Variants in MAPK13 observed in about 807,000 individuals in gnomAD.
MAPK13 encodes the protein mitogen-activated protein kinase 13.
Under a neutral mutation model 53.5 loss-of-function variants are expected in MAPK13, and 39 were observed. The ratio of observed to expected loss-of-function variants is 0.73; its 90% CI spans 0.56 to 0.95. The LOEUF (loss-of-function observed/expected upper bound fraction) is 0.95. Among genes scored for constraint, MAPK13 ranks in the 40% least tolerant of loss-of-function variants. The pLI, the probability that MAPK13 is intolerant of heterozygous loss-of-function variation, is 0.00. For missense variants in MAPK13, 460 were observed against 471.8 expected (o/e 0.98, Z 0.23); for synonymous variants, 179 against 190.9 (o/e 0.94, Z 0.51).
At chr6:36,135,732 A>G in intron 3 of MAPK13, 21 bp from the exon 4 acceptor site, 1 of 1,584,820 alleles carries the variant, frequency 6.3e-7, no homozygotes, top group Non-Finnish European at 8.6e-7. Flanking sequence ...CACTGTTCCA[A>G]GAACCCCTCA....
chr6:36,138,487 T>C (rs200238257), intron 9 of MAPK13, 43 bp downstream of exon 9: 245 of 1,587,406 alleles, frequency 1.5e-4, no homozygotes, highest in Non-Finnish European at 1.7e-5. Flanking sequence ...GCTGTGTGCT[T>C]GCCTGACGTG....
intron 8 of MAPK13, among the ~76,000 whole-genome samples, chr6:36,137,410 G>A (rs1766438816): frequency 1.3e-5 from 2 of 152,180 alleles, no homozygotes; most frequent in African/African-American, 4.8e-5. Flanking sequence ...AGCTACTCAG[G>A]AGGCTGAGGC....
chr6:36,139,497 T>C lies in MAPK13; in HGVS notation c.*124T>C, dbSNP rs762392611. On this transcript the variant is annotated 3_prime_UTR_variant, in exon 12 of 12. Coordinates refer to ENST00000211287, the MANE Select transcript of MAPK13 (RefSeq NM_002754.5). Reference sequence around the variant, plus strand: ...GAGGACAGAAGGGTCCTTCTCCTTATGTGGGAAATGGGCCTAGTAGATGCA... The same window carrying C: ...GAGGACAGAAGGGTCCTTCTCCTTACGTGGGAAATGGGCCTAGTAGATGCA... 3.8e-5 allele frequency: 28 copies of C among 738,352 alleles called. No individual in the cohort carries two copies. Among genetic ancestry groups the C allele is most frequent in the Non-Finnish European group, 6.5e-5 (28 of 430,726 alleles). The allele number at this position is 738,352 out of a possible 1,614,324, so 45.7% of individuals were successfully genotyped here.
chr6:36,138,089 A>G (rs1444143758), intron 8 of MAPK13, among the ~76,000 whole-genome samples: 1 of 152,178 alleles, frequency 6.6e-6, no homozygotes, highest in African/African-American at 2.4e-5. Context: ...TTTGGTGAGA[A>G]GACGAGGAAA....
intron 4 of MAPK13, 49 bp from the exon 5 acceptor site, chr6:36,135,970 T>C (rs1400143470): frequency 6.2e-7 from 1 of 1,612,658 alleles, no homozygotes; most frequent in Admixed American, 1.7e-5. Flanking sequence ...CTGAAGTGCC[T>C]GGTGTGGAAG....
At chr6:36,136,101 A>G (rs1766411967) in intron 5 of MAPK13, 53 bp downstream of exon 5, 4 of 1,604,178 alleles carry the variant, frequency 2.5e-6, no homozygotes, top group Non-Finnish European at 3.4e-6. Context: ...ATCCCTGGGT[A>G]TGGGGTTCTC....
chr6:36,132,404 ACT>A (rs1222380205), intron 2 of MAPK13, among the ~76,000 whole-genome samples: 2 of 151,430 alleles, frequency 1.3e-5, no homozygotes, highest in Non-Finnish European at 2.9e-5. Flanking sequence ...CCCCAGCCTG[ACT>A]CTCTGTCATG....
chr6:36,131,003 G>C (rs917358555), intron 1 of MAPK13: 7 of 526,866 alleles, frequency 1.3e-5, no homozygotes, highest in Non-Finnish European at 2.4e-5. Flanking sequence ...AAGAGGGGGA[G>C]GTGGCTCGCC....
chr6:36,131,364 G>T lies in MAPK13; in HGVS notation c.213G>T (p.Arg71=). 1 of 1,613,806 alleles carries T rather than the reference G, an allele frequency of 6.2e-7. No homozygotes were observed. Among genetic ancestry groups the T allele is most frequent in the Non-Finnish European group, 8.5e-7 (1 of 1,179,888 alleles). The change falls in exon 2 of 12, where the codon CGG becomes CGT. Residue 71 remains arginine, a synonymous_variant. Transcript: ENST00000211287. ...AGATCTTCGCCAAGCGCGCCTACCG[G>T]GAGCTGCTGCTGCTGAAGCACATGC... is the stretch of plus-strand genomic sequence containing the variant. ...QSEIFAKRAY[R]ELLLLKHMQH... is the part of the protein sequence containing the mutation.
chr6:36,133,350 T>C (rs1244692445), intron 3 of MAPK13, among the ~76,000 whole-genome samples: 1 of 151,696 alleles, frequency 6.6e-6, no homozygotes, highest in Non-Finnish European at 1.5e-5. Flanking sequence ...AAGAAAGGAG[T>C]AGGAAGCAGC....
In MAPK13 at chr6:36,135,817, G is replaced by T; in HGVS notation, c.373G>T (p.Glu125Ter). 1 of 1,614,068 alleles carries T rather than the reference G, an allele frequency of 6.2e-7. No individual in the cohort carries two copies. The highest frequency in any genetic ancestry group is 8.5e-7 in the Non-Finnish European group (1 of 1,179,980). The change falls in exon 4 of 12, where the codon GAG becomes TAG. Residue 125 changes from glutamate (E) to a stop codon, truncating the protein, a stop_gained. Coordinates refer to ENST00000211287, the MANE Select transcript of MAPK13 (RefSeq NM_002754.5). LOFTEE classifies it high-confidence loss of function. Reference sequence around the variant, plus strand: ...GATCATGGGGATGGAGTTCAGTGAGGAGAAGATCCAGTACCTGGTGTATCA... The same window carrying T: ...GATCATGGGGATGGAGTTCAGTGAGTAGAAGATCCAGTACCTGGTGTATCA... ...QKIMGMEFSEEKIQYLVYQML... is the reference protein window; with the variant it reads ...QKIMGMEFSE
At chr6:36,138,497 G>T in intron 9 of MAPK13, 53 bp downstream of exon 9, 19 of 1,545,968 alleles carry the variant, frequency 1.2e-5, no homozygotes, top group Admixed American at 5.2e-5. Flanking sequence ...TGCCTGACGT[G>T]GGCCCAGTGG....
In MAPK13 at chr6:36,140,533, T is replaced by C. The variant is rs912606455; in HGVS notation, c.*1160T>C. On this transcript the variant is annotated 3_prime_UTR_variant, in exon 12 of 12. Transcript: ENST00000211287. ...AGATTCCTGGGCCCCACCCCAGGGC[T>C]TGTGACTCAGCAGGTCTGCAGTTGA... 2.0e-5 allele frequency: 3 copies of C among 152,708 alleles called. No individual in the cohort carries two copies. The highest frequency in any genetic ancestry group is 7.2e-5 in the African/African-American group (3 of 41,444). 9.5% of individuals were successfully genotyped at this position (152,708 alleles called of 1,614,324 possible). A position where few individuals can be genotyped will look rare whatever the true frequency, so the allele number is the denominator to read the frequency against.
intron 2 of MAPK13, among the ~76,000 whole-genome samples, chr6:36,132,145 C>T (rs1427547320): frequency 6.6e-6 from 1 of 152,244 alleles, no homozygotes; most frequent in African/African-American, 2.4e-5. Context: ...GGCCTCCAGC[C>T]AGGGTGATCT....
chr6:36,132,555 G>C (rs575962503), intron 2 of MAPK13, 66 bp from the exon 3 acceptor site: 10 of 1,473,964 alleles, frequency 6.8e-6, no homozygotes, highest in Non-Finnish European at 8.6e-6. Flanking sequence ...GCATGGCCAG[G>C]GCCCAGGAGG....
chr6:36,135,947 C>T, intron 4 of MAPK13, 72 bp from the exon 5 acceptor site: 3 of 1,603,940 alleles, frequency 1.9e-6, no homozygotes, highest in South Asian at 2.2e-5. Flanking sequence ...CGCACTGTTA[C>T]AGGTCGGCCA....
At chr6:36,137,508 CTG>C (rs1469409038) in intron 8 of MAPK13, among the ~76,000 whole-genome samples, 4 of 151,316 alleles carry the variant, frequency 2.6e-5, no homozygotes, top group South Asian at 2.1e-4. Flanking sequence ...GAGCAAGACT[CTG>C]TCTCAAAAAA....
At chr6:36,135,078 CTT>C (rs747398339) in intron 3 of MAPK13, among the ~76,000 whole-genome samples, 4 of 152,258 alleles carry the variant, frequency 2.6e-5, no homozygotes, top group Non-Finnish European at 5.9e-5. Context: ...GTCTTAAACT[CTT>C]CGCCTCAAGC....
chr6:36,136,847 CA>C (rs780281110), intron 7 of MAPK13, 31 bp from the exon 8 acceptor site: 1 of 1,612,626 alleles, frequency 6.2e-7, no homozygotes, highest in Non-Finnish European at 8.5e-7. Context: ...GGGCCCCAGA[CA>C]GTCCAGGTGA....
Sources: gnomAD v4.1 joint callset for allele counts (sites outside exome capture counted in the v4.1 genomes callset) on GRCh38, gnomAD v4.1.1 for gene constraint, MANE v1.5 for transcripts, NCBI Gene and HGNC (gene_info 2026-07-23, HGNC 2026-07-21) for gene names.